Variants in AGBL4 observed in about 807,000 individuals in gnomAD.
The protein encoded by AGBL4 is AGBL carboxypeptidase 4, also known as cytosolic carboxypeptidase 6.
A neutral mutation model predicts 66.4 loss-of-function variants in AGBL4; 58 were observed. The ratio of observed to expected loss-of-function variants is 0.87; its 90% CI spans 0.71 to 1.09. AGBL4 has a LOEUF of 1.09. AGBL4 is among the 50% of genes least tolerant of loss of function. AGBL4 has a pLI of 0.00. For synonymous variants in AGBL4, 234 were observed against 222.9 expected (o/e 1.05, Z -0.44); for missense variants, 579 against 631.0 (o/e 0.92, Z 0.88).
At chr1:49,492,858 C>A (rs908562249) in intron 3 of AGBL4, among the ~76,000 whole-genome samples, 1 of 151,930 alleles carries the variant, frequency 6.6e-6, no homozygotes, top group Non-Finnish European at 1.5e-5. Context: ...CTAATAAAGA[C>A]ATACCCAAGA....
At chr1:49,612,285 C>T (rs1420042264) in intron 3 of AGBL4, among the ~76,000 whole-genome samples, 1 of 152,080 alleles carries the variant, frequency 6.6e-6, no homozygotes, top group Non-Finnish European at 1.5e-5. Flanking sequence ...TCAAGCAAAG[C>T]TGCTGTTATT....
intron 4 of AGBL4, among the ~76,000 whole-genome samples, chr1:49,241,403 T>G (rs1651222609): frequency 6.6e-6 from 1 of 152,110 alleles, no homozygotes; most frequent in Admixed American, 6.6e-5. Flanking sequence ...TTTTTGGCCT[T>G]CAAGCACATT....
At chr1:48,853,154 A>G (rs1398723732) in intron 6 of AGBL4, among the ~76,000 whole-genome samples, 2 of 152,226 alleles carry the variant, frequency 1.3e-5, no homozygotes, top group African/African-American at 4.8e-5. Flanking sequence ...GCAGCCCCAC[A>G]GAGAAGTCTA....
chr1:49,971,907 G>GTTGTTTTTTTTTTTTTTTGTTT lies in AGBL4; in HGVS notation c.34+51855_34+51856insAAACAAAAAAAAAAAAAAACAA. Among the ~76,000 whole-genome samples the GTTGTTTTTTTTTTTTTTTGTTT allele has an allele frequency of 8.5e-5, 2 of 23,428 alleles. 1 individual carries two copies. Among genetic ancestry groups the GTTGTTTTTTTTTTTTTTTGTTT allele is most frequent in the African/African-American group, 2.7e-4 (2 of 7,428 alleles). The allele number at this position is 23,428 out of a possible 152,430, so 15.4% of individuals were successfully genotyped here. ...AAGTACAAGTGCAGGGTTTTTTTGG[G>GTTGTTTTTTTTTTTTTTTGTTT]TTTTTTTTTTTTTTTTTTTTTTTTT... is the stretch of plus-strand genomic sequence containing the variant. On this transcript the variant is annotated intron_variant, in intron 1 of 13. Coordinates refer to ENST00000371839, the MANE Select transcript of AGBL4 (RefSeq NM_032785.4).
chr1:48,976,836 C>G (rs1483141934), intron 5 of AGBL4, among the ~76,000 whole-genome samples: 1 of 152,082 alleles, frequency 6.6e-6, no homozygotes, highest in Non-Finnish European at 1.5e-5. Context: ...CTTCTAAGGA[C>G]CATCCCACCT....
intron 6 of AGBL4, among the ~76,000 whole-genome samples, chr1:48,790,156 C>T (rs1292916713): frequency 6.6e-6 from 1 of 152,116 alleles, no homozygotes; most frequent in Non-Finnish European, 1.5e-5. Flanking sequence ...TCTTCCATCT[C>T]TTTGTTTGGA....
intron 5 of AGBL4, among the ~76,000 whole-genome samples, chr1:48,880,430 T>G (rs535875242): frequency 2.6e-4 from 40 of 152,342 alleles, no homozygotes; most frequent in South Asian, 1.7e-3. Context: ...TAAACATACA[T>G]GTGCAATTAT....
At chr1:49,708,387 T>C (rs1647374500) in intron 2 of AGBL4, among the ~76,000 whole-genome samples, 1 of 152,098 alleles carries the variant, frequency 6.6e-6, no homozygotes, top group Non-Finnish European at 1.5e-5. Context: ...TCTCGTCCTG[T>C]GTTTTTCATC....
intron 1 of AGBL4, among the ~76,000 whole-genome samples, chr1:49,936,695 G>C (rs868837531): frequency 6.6e-6 from 1 of 152,224 alleles, no homozygotes; most frequent in African/African-American, 2.4e-5. Context: ...ACATTCTTAA[G>C]GAAAAGAATT....
chr1:49,873,451 C>CA (rs1445276682), intron 1 of AGBL4, among the ~76,000 whole-genome samples: 11 of 150,822 alleles, frequency 7.3e-5, no homozygotes, highest in South Asian at 6.3e-4. Flanking sequence ...TATGCCAAAA[C>CA]AAAAAAAAAT....
intron 3 of AGBL4, among the ~76,000 whole-genome samples, chr1:49,394,402 A>G (rs1349327426): frequency 3.9e-5 from 6 of 152,002 alleles, no homozygotes; most frequent in African/African-American, 1.4e-4. Flanking sequence ...TCGATCTGAA[A>G]TTCATGTTCA....
At chr1:49,872,002 C>T (rs1646848959) in intron 1 of AGBL4, among the ~76,000 whole-genome samples, 1 of 152,020 alleles carries the variant, frequency 6.6e-6, no homozygotes, top group African/African-American at 2.4e-5. Context: ...CCAGGATTCT[C>T]ATGAAGAGCT....
chr1:49,969,195 T>C (rs1043978628), intron 1 of AGBL4, among the ~76,000 whole-genome samples: 5 of 152,344 alleles, frequency 3.3e-5, no homozygotes, highest in African/African-American at 1.2e-4. Flanking sequence ...AACCACTTTA[T>C]TGAGGTATTA....
At chr1:49,762,475 C>T (rs1280960585) in intron 2 of AGBL4, among the ~76,000 whole-genome samples, 3 of 150,668 alleles carry the variant, frequency 2.0e-5, no homozygotes, top group African/African-American at 7.3e-5. Flanking sequence ...TGCAGTGCCG[C>T]GATCTTGGCT....
chr1:48,914,731 C>T (rs1399492543), intron 5 of AGBL4, among the ~76,000 whole-genome samples: 1 of 152,116 alleles, frequency 6.6e-6, no homozygotes, highest in Non-Finnish European at 1.5e-5. Context: ...TGAGGAAAGT[C>T]AAGCACTAAA....
chr1:49,103,174 C>G (rs974329677), intron 4 of AGBL4, among the ~76,000 whole-genome samples: 4 of 152,118 alleles, frequency 2.6e-5, no homozygotes, highest in African/African-American at 4.8e-5. Context: ...CTTTGGGACC[C>G]CAGATTGAGA....
intron 6 of AGBL4, among the ~76,000 whole-genome samples, chr1:48,805,240 T>C (rs1400105854): frequency 2.0e-5 from 3 of 152,200 alleles, no homozygotes; most frequent in African/African-American, 7.2e-5. Context: ...CAGGGAAGTT[T>C]TCTTAGAAAT....
At chr1:49,433,905 A>G (rs568511700) in intron 3 of AGBL4, among the ~76,000 whole-genome samples, 1 of 152,218 alleles carries the variant, frequency 6.6e-6, no homozygotes. Context: ...AGCACAAAAA[A>G]TTACAAGAAA....
At chr1:49,177,024 TC>T (rs1231137850) in intron 4 of AGBL4, among the ~76,000 whole-genome samples, 1 of 152,072 alleles carries the variant, frequency 6.6e-6, no homozygotes, top group East Asian at 1.9e-4. Flanking sequence ...CAAAGCTCTG[TC>T]TTGGTTTTCA....
Sources: allele counts gnomAD v4.1 joint callset (sites outside exome capture counted in the v4.1 genomes callset), GRCh38; gene constraint gnomAD v4.1.1; transcripts MANE v1.5; gene names NCBI Gene and HGNC (gene_info 2026-07-23, HGNC 2026-07-21).